DHRS12: variants seen among roughly 807,000 people sequenced by gnomAD.
DHRS12 encodes the protein dehydrogenase/reductase 12.
In DHRS12, 29 loss-of-function variants were observed where a neutral mutation model predicts 32.1. The observed-to-expected ratio is 0.90, with a 90% CI of 0.67 to 1.23. DHRS12 has a LOEUF of 1.23. DHRS12 is among the 50% of genes most tolerant of loss of function. The pLI, the probability that DHRS12 is intolerant of heterozygous loss-of-function variation, is 0.00. For synonymous variants in DHRS12, 150 were observed against 135.9 expected (o/e 1.10, Z -0.72); for missense variants, 330 against 337.2 (o/e 0.98, Z 0.17).
intron 8 of DHRS12, chr13:51,768,906 T>C: frequency 7.2e-7 from 1 of 1,386,070 alleles, no homozygotes; most frequent in Non-Finnish European, 9.3e-7. Flanking sequence ...AGGTAGGAAC[T>C]GCCTCTCCCG....
the DHRS12 span, chr13:51,756,278 G>C: frequency 6.4e-7 from 1 of 1,567,518 alleles, no homozygotes; most frequent in Admixed American, 1.8e-5. Context: ...AGATGCGGGG[G>C]CCTCAGGAGC....
chr13:51,789,322 G>C (rs1955151690), intron 4 of DHRS12, among the ~76,000 whole-genome samples: 1 of 152,204 alleles, frequency 6.6e-6, no homozygotes, highest in African/African-American at 2.4e-5. Context: ...CTTGGATTGA[G>C]AAGGAGAAAC....
At chr13:51,777,440 G>C (rs562670271) in intron 4 of DHRS12, 1 of 351,490 alleles carries the variant, frequency 2.8e-6, no homozygotes, top group Admixed American at 4.3e-5. Flanking sequence ...TATATGTCCA[G>C]TCTGTGCACA....
chr13:51,769,619 G>A (rs1015598460), intron 7 of DHRS12, among the ~76,000 whole-genome samples: 8 of 152,140 alleles, frequency 5.3e-5, no homozygotes, highest in Non-Finnish European at 1.2e-4. Flanking sequence ...GGATTCTAAT[G>A]AGCTGTGGGG....
At chr13:51,776,237 G>A (rs998945218) in intron 5 of DHRS12, 3 of 152,100 alleles carry the variant, frequency 2.0e-5, no homozygotes, top group African/African-American at 7.3e-5. Flanking sequence ...CCAGAAGTCT[G>A]AGGTGGGGCT....
intron 4 of DHRS12, among the ~76,000 whole-genome samples, chr13:51,787,959 T>C (rs1359206436): frequency 3.6e-5 from 5 of 139,138 alleles, no homozygotes; most frequent in African/African-American, 1.3e-4. Flanking sequence ...ATAATATACA[T>C]ATATATGCAA....
At chr13:51,759,461 C>T in the DHRS12 span, among the ~76,000 whole-genome samples, 1 of 152,328 alleles carries the variant, frequency 6.6e-6, no homozygotes, top group African/African-American at 2.4e-5. Flanking sequence ...GGAGGATCTG[C>T]AGTGTAGCTT....
rs532985197 is a variant in DHRS12, at chr13:51,771,323, C to T, written c.559+498G>A. The T allele has an allele frequency of 6.9e-5, 110 of 1,589,332 alleles. No homozygotes were observed. In the South Asian group the frequency reaches 1.1e-3, roughly 16 times the overall value. The stretch of plus-strand genomic sequence containing the variant: ...GGTCATGGAGTTGGTGAGGCCAATC[C>T]GGAAGAGAATTCTGCTCCCCTCCAC... On this transcript the variant is annotated intron_variant, in intron 7 of 8. Coordinates refer to ENST00000444610, the MANE Select transcript of DHRS12 (RefSeq NM_001377533.1).
At chr13:51,756,394 C>T in the DHRS12 span, 420 of 1,613,964 alleles carry the variant, frequency 2.6e-4, 1 homozygote, top group Non-Finnish European at 3.4e-4. Flanking sequence ...GCTCCTCCAT[C>T]CCCCTGATGG....
chr13:51,756,178 C>T, the DHRS12 span, among the ~76,000 whole-genome samples: 2 of 152,210 alleles, frequency 1.3e-5, no homozygotes, highest in Non-Finnish European at 2.9e-5. Flanking sequence ...GAGAAGAACA[C>T]ATCCAATGTG....
intron 7 of DHRS12, among the ~76,000 whole-genome samples, chr13:51,770,046 T>G (rs1340262711): frequency 6.6e-6 from 1 of 152,086 alleles, no homozygotes; most frequent in African/African-American, 2.4e-5. Flanking sequence ...GGAAAGAAAA[T>G]AAACCAGAGA....
chr13:51,798,600 T>G (rs1041433110), intron 2 of DHRS12, among the ~76,000 whole-genome samples: 2 of 152,188 alleles, frequency 1.3e-5, no homozygotes, highest in Non-Finnish European at 2.9e-5. Flanking sequence ...TCTCCTCCTC[T>G]CCGCACTTCA....
At chr13:51,754,997 C>T in the DHRS12 span, among the ~76,000 whole-genome samples, 1 of 152,208 alleles carries the variant, frequency 6.6e-6, no homozygotes, top group Non-Finnish European at 1.5e-5. Flanking sequence ...CTCCAGCCAT[C>T]CCCAGGTCTC....
At chr13:51,773,674 T>C (rs1034704240) in intron 6 of DHRS12, among the ~76,000 whole-genome samples, 3 of 152,006 alleles carry the variant, frequency 2.0e-5, no homozygotes, top group African/African-American at 4.8e-5. Context: ...TAGGATCCTG[T>C]TCTGTGTGGG....
At chr13:51,770,744 G>A (rs1393355839) in intron 7 of DHRS12, 6 of 1,000,628 alleles carry the variant, frequency 6.0e-6, no homozygotes, top group Non-Finnish European at 7.2e-6. Context: ...TAGGGGTGTG[G>A]TAGTTACAAA....
intron 6 of DHRS12, 151 bp downstream of exon 6, chr13:51,773,778 CA>C: frequency 1.5e-6 from 1 of 668,880 alleles, no homozygotes; most frequent in East Asian, 2.8e-5. Context: ...CTGTGCTCCC[CA>C]AAGGGGAGCC....
At chr13:51,761,408 C>G in the DHRS12 span, 2 of 152,176 alleles carry the variant, frequency 1.3e-5, no homozygotes, top group Non-Finnish European at 2.9e-5. Flanking sequence ...CCTGCCCCTC[C>G]TAAGCACTTT....
intron 2 of DHRS12, among the ~76,000 whole-genome samples, chr13:51,797,547 T>C (rs1293160168): frequency 6.6e-6 from 1 of 152,158 alleles, no homozygotes; most frequent in Non-Finnish European, 1.5e-5. Flanking sequence ...AGACTGGAAG[T>C]ATCACTGTCC....
chr13:51,768,715 C>T (rs575614969), intron 8 of DHRS12: 7 of 1,126,744 alleles, frequency 6.2e-6, no homozygotes, highest in Middle Eastern at 3.9e-4. Context: ...ACACGCCTGC[C>T]CCCTTAGGAG....
Sources: allele counts gnomAD v4.1 joint callset (sites outside exome capture counted in the v4.1 genomes callset), GRCh38; gene constraint gnomAD v4.1.1; transcripts MANE v1.5; gene names NCBI Gene and HGNC (gene_info 2026-07-23, HGNC 2026-07-21).